NAALADL2: variants seen among roughly 807,000 people sequenced by gnomAD.
NAALADL2 encodes the protein inactive N-acetylated-alpha-linked acidic dipeptidase-like protein 2.
Under a neutral mutation model 87.2 loss-of-function variants are expected in NAALADL2, and 76 were observed. That is an observed-to-expected ratio of 0.87 (90% CI 0.72 to 1.05). The LOEUF is 1.05. NAALADL2 is among the 50% of genes least tolerant of loss of function. The probability of loss-of-function intolerance (pLI) is 0.00; values close to 1 mark genes in which losing one functional copy is unlikely to be tolerated. For missense variants in NAALADL2, 1,089 were observed against 945.8 expected (o/e 1.15, Z -1.99); for synonymous variants, 354 against 331.0 (o/e 1.07, Z -0.75).
chr3:175,058,149 A>C (rs894062366), intron 1 of NAALADL2, among the ~76,000 whole-genome samples: 3 of 152,188 alleles, frequency 2.0e-5, no homozygotes, highest in Non-Finnish European at 2.9e-5. Flanking sequence ...TGGTTTGGTT[A>C]CTGTTGTGTA....
At chr3:174,523,327 AAAG>A (rs1720445305) in intron 1 of NAALADL2, 1 of 152,202 alleles carries the variant, frequency 6.6e-6, no homozygotes, top group Non-Finnish European at 1.5e-5. Context: ...ACTCTCCTAT[AAAG>A]AAAACAATCT....
intron 2 of NAALADL2, among the ~76,000 whole-genome samples, chr3:175,121,000 TG>T (rs1726064528): frequency 6.6e-6 from 1 of 151,860 alleles, no homozygotes; most frequent in Admixed American, 6.6e-5. Context: ...CACCTCTTTT[TG>T]TTTCTCTGAT....
intron 3 of NAALADL2, among the ~76,000 whole-genome samples, chr3:174,801,148 A>G (rs1218774250): frequency 6.6e-6 from 1 of 152,194 alleles, no homozygotes; most frequent in Non-Finnish European, 1.5e-5. Flanking sequence ...GAATGCGAGG[A>G]CATGAGATTT....
chr3:175,661,558 TTC>T (rs1356139555), intron 11 of NAALADL2, among the ~76,000 whole-genome samples: 2 of 139,096 alleles, frequency 1.4e-5, no homozygotes, highest in African/African-American at 6.7e-5. Flanking sequence ...TGCTTTTGAG[TTC>T]TTTCTAAAAA....
In NAALADL2 at chr3:174,587,454, C is replaced by T. The variant is rs1716853625; in HGVS notation, c.-115+36817C>T. ...TGTTTATTTTGCTCATTAGTTGATG[C>T]AGTTTCTTCCTAGCATCAATGGTCT... On this transcript the variant is annotated intron_variant, in intron 2 of 3. Coordinates refer to the NAALADL2 transcript ENST00000434257. Among the ~76,000 whole-genome samples, 6 of 152,232 alleles carry T rather than the reference C, an allele frequency of 3.9e-5. No individual in the cohort carries two copies. The South Asian group carries it at 1.2e-3, about 32-fold the overall frequency.
intron 2 of NAALADL2, among the ~76,000 whole-genome samples, chr3:174,612,320 T>A (rs1719996846): frequency 6.6e-6 from 1 of 152,196 alleles, no homozygotes; most frequent in Admixed American, 6.5e-5. Context: ...ACTTGAATAA[T>A]GATATATTTC....
At chr3:174,664,187 ATAG>A (rs1334441483) in intron 2 of NAALADL2, among the ~76,000 whole-genome samples, 2 of 152,256 alleles carry the variant, frequency 1.3e-5, no homozygotes, top group Non-Finnish European at 2.9e-5. Context: ...AAAATCAAAA[ATAG>A]TAGTTGTAAT....
At chr3:174,909,879 ATTGTAACAT>A (rs1215767589) in intron 1 of NAALADL2, among the ~76,000 whole-genome samples, 2 of 152,138 alleles carry the variant, frequency 1.3e-5, no homozygotes, top group Non-Finnish European at 2.9e-5. Flanking sequence ...GAAATGCACA[ATTGTAACAT>A]TTGTAACATT....
chr3:175,339,747 T>C (rs572236777), intron 5 of NAALADL2, among the ~76,000 whole-genome samples: 16 of 152,290 alleles, frequency 1.1e-4, no homozygotes, highest in Middle Eastern at 3.4e-3. Flanking sequence ...AGACAAAATA[T>C]CTTTTGATAT....
chr3:175,260,054 G>T (rs773092014), intron 4 of NAALADL2, among the ~76,000 whole-genome samples: 2 of 151,934 alleles, frequency 1.3e-5, no homozygotes, highest in Admixed American at 6.6e-5. Flanking sequence ...TGTGCTCAGA[G>T]GTCAAATACT....
At chr3:174,832,389 G>C (rs1330662585) in intron 3 of NAALADL2, among the ~76,000 whole-genome samples, 1 of 152,088 alleles carries the variant, frequency 6.6e-6, no homozygotes, top group Non-Finnish European at 1.5e-5. Flanking sequence ...TCAGGAGCAG[G>C]ATGTTCAGTT....
In NAALADL2 at chr3:174,799,818, A is replaced by G. The variant is rs575207255; in HGVS notation, c.-9+62072A>G. Among the ~76,000 whole-genome samples, 3 of 152,330 alleles carry G rather than the reference A, an allele frequency of 2.0e-5. No individual in the cohort carries two copies. The South Asian group carries it at 6.2e-4, about 32-fold the overall frequency. ...GACTTGCTTAATGGCTTTGACCAAA[A>G]GCCTGATAGTGATGTCGAATATAAG... is the stretch of plus-strand genomic sequence containing the variant. On this transcript the variant is annotated intron_variant, in intron 3 of 3. Transcript: ENST00000434257.
chr3:175,732,442 C>T (rs1743901209), intron 11 of NAALADL2, among the ~76,000 whole-genome samples: 1 of 152,100 alleles, frequency 6.6e-6, no homozygotes, highest in Admixed American at 6.5e-5. Context: ...AAATGATTCT[C>T]TTTAGTATTT....
chr3:175,048,026 C>G (rs1445229305), intron 1 of NAALADL2, among the ~76,000 whole-genome samples: 2 of 152,074 alleles, frequency 1.3e-5, no homozygotes, highest in African/African-American at 4.8e-5. Flanking sequence ...ATAATGTGAC[C>G]TTTAGAATAT....
chr3:175,347,374 T>C lies in NAALADL2; in HGVS notation c.1090+23049T>C, dbSNP rs139718866. On this transcript the variant is annotated intron_variant, in intron 5 of 13. Transcript: ENST00000454872. ...ATTGACTATTGACTATGCACTTACA[T>C]AGGGTATTTAAAACTAAATATACTG... Among the ~76,000 whole-genome samples, 556 of 152,288 alleles carry C rather than the reference T, an allele frequency of 3.7e-3. 3 individuals are homozygous for C. The highest frequency in any genetic ancestry group is 0.013 in the Admixed American group (204 of 15,288).
Position 174,908,450 on chromosome 3 carries a change from C to T in NAALADL2, c.43+49000C>T, listed in dbSNP as rs149364162. Among the ~76,000 whole-genome samples the T allele has an allele frequency of 1.5e-3, 230 of 152,132 alleles. 2 individuals carry two copies. Among genetic ancestry groups the T allele is most frequent in the African/African-American group, 5.3e-3 (218 of 41,494 alleles). The stretch of plus-strand genomic sequence containing the variant: ...AAAGGCTTTATAAGCCATCAGTCAA[C>T]GATGGCTCTAGAAACAGGCCAGTGG... On this transcript the variant is annotated intron_variant, in intron 1 of 13. Coordinates refer to ENST00000454872, the MANE Select transcript of NAALADL2 (RefSeq NM_207015.3).
chr3:175,250,219 TGA>T (rs1184487870), intron 3 of NAALADL2, among the ~76,000 whole-genome samples: 3 of 150,390 alleles, frequency 2.0e-5, no homozygotes, highest in African/African-American at 7.3e-5. Context: ...AATAGATACC[TGA>T]GAGTTTGCTC....
At chr3:175,077,454 A>C (rs1425084853) in intron 1 of NAALADL2, among the ~76,000 whole-genome samples, 1 of 152,172 alleles carries the variant, frequency 6.6e-6, no homozygotes, top group Non-Finnish European at 1.5e-5. Flanking sequence ...TTTAAATTTA[A>C]AGTCTTGTGT....
At chr3:175,135,886 T>C (rs1457134912) in intron 2 of NAALADL2, among the ~76,000 whole-genome samples, 1 of 152,164 alleles carries the variant, frequency 6.6e-6, no homozygotes, top group Non-Finnish European at 1.5e-5. Flanking sequence ...GAGAAAAATG[T>C]TAAGAATAAG....
Sources: gnomAD v4.1 joint callset for allele counts (sites outside exome capture counted in the v4.1 genomes callset) on GRCh38, gnomAD v4.1.1 for gene constraint, MANE v1.5 for transcripts, NCBI Gene and HGNC (gene_info 2026-07-23, HGNC 2026-07-21) for gene names.